CAND1: variants seen among roughly 807,000 people sequenced by gnomAD.
CAND1 encodes the protein cullin associated and neddylation dissociated 1.
Under a neutral mutation model 108.5 loss-of-function variants are expected in CAND1, and 7 were observed. The ratio of observed to expected loss-of-function variants is 0.06; its 90% CI spans 0.04 to 0.12. CAND1 has a LOEUF of 0.12. Among genes scored for constraint, CAND1 ranks in the 10% least tolerant of loss-of-function variants. The probability of loss-of-function intolerance (pLI) is 1.00; values close to 1 mark genes in which losing one functional copy is unlikely to be tolerated. For synonymous variants in CAND1, 534 were observed against 512.0 expected, an observed-to-expected ratio of 1.04 and a Z score of -0.58; for missense variants, 941 against 1,448.7, an observed-to-expected ratio of 0.65 and a Z score of 5.69.
chr12:67,301,803 T>C (rs1244718090), intron 7 of CAND1, among the ~76,000 whole-genome samples: 1 of 152,216 alleles, frequency 6.6e-6, no homozygotes, highest in Non-Finnish European at 1.5e-5. Context: ...GTCAACCTTC[T>C]TTTTATTCCC....
chr12:67,297,689 G>A, intron 5 of CAND1, 26 bp downstream of exon 5: 1 of 1,593,706 alleles, frequency 6.3e-7, no homozygotes, highest in Non-Finnish European at 8.5e-7. Flanking sequence ...AAGTTTTACA[G>A]TTTTCTTTAA....
At chr12:67,291,266 A>G (rs904382402) in intron 2 of CAND1, among the ~76,000 whole-genome samples, 1 of 152,214 alleles carries the variant, frequency 6.6e-6, no homozygotes, top group African/African-American at 2.4e-5. Flanking sequence ...AGCACAGGGT[A>G]GTGTAGTATT....
intron 2 of CAND1, among the ~76,000 whole-genome samples, chr12:67,284,420 T>A (rs566296014): frequency 1.3e-5 from 2 of 152,186 alleles, no homozygotes; most frequent in Non-Finnish European, 2.9e-5. Context: ...ACAGTTATTA[T>A]GTTAGTAGAT....
At chr12:67,285,237 T>C (rs2044659265) in intron 2 of CAND1, among the ~76,000 whole-genome samples, 1 of 152,168 alleles carries the variant, frequency 6.6e-6, no homozygotes, top group African/African-American at 2.4e-5. Context: ...TTGTTCCAAA[T>C]TTATGGGAGA....
At chr12:67,282,691 C>T (rs2044630924) in intron 2 of CAND1, among the ~76,000 whole-genome samples, 1 of 151,822 alleles carries the variant, frequency 6.6e-6, no homozygotes, top group African/African-American at 2.4e-5. Flanking sequence ...CATGCCCAGC[C>T]AAAAAACTAC....
chr12:67,289,833 T>A (rs2044706334), intron 2 of CAND1, among the ~76,000 whole-genome samples: 1 of 152,252 alleles, frequency 6.6e-6, no homozygotes, highest in Admixed American at 6.5e-5. Flanking sequence ...CAGTTTTTTT[T>A]ATTTTTATCT....
intron 3 of CAND1, among the ~76,000 whole-genome samples, chr12:67,294,532 A>G (rs1223566880): frequency 6.6e-6 from 1 of 152,246 alleles, no homozygotes; most frequent in Non-Finnish European, 1.5e-5. Context: ...TAGGTGTGCA[A>G]GCTCTACAGC....
rs768902771 is a variant in CAND1, at chr12:67,305,426, G to A, written c.1758G>A (p.Lys586=). The change falls in exon 10 of 15, where the codon AAG becomes AAA. Residue 586 remains lysine (K), a synonymous_variant. Transcript: ENST00000545606. This position sits in a 1 kb window ranked among gnomAD's most constrained non-coding sequence, Gnocchi z 4.4. ...CAGCTGACATTGATCAGGAAGTCAA[G>A]GAAAGGGCTATTTCCTGTATGGGAC... ...LKAADIDQEV[K]ERAISCMGQI... 2.5e-6 allele frequency: 4 copies of A among 1,613,818 alleles called. No homozygotes were observed. Among genetic ancestry groups the A allele is most frequent in the Admixed American group, 3.3e-5 (2 of 60,012 alleles).
chr12:67,302,501 T>A lies in CAND1; in HGVS notation c.1179T>A (p.Asp393Glu). The A allele has an allele frequency of 6.2e-7, 1 of 1,614,162 alleles. No homozygotes were observed. Among genetic ancestry groups the A allele is most frequent in the Non-Finnish European group, 8.5e-7 (1 of 1,179,982 alleles). Reference protein sequence around the residue: ...FKEREENVKADVFHAYLSLLK... With the variant: ...FKEREENVKAEVFHAYLSLLK... ...AGCGTGAAGAGAATGTAAAGGCAGA[T>A]GTTTTTCACGCATACCTTTCTCTTT... The change falls in exon 8 of 15, where the codon GAT (aspartate) becomes GAA (glutamate). Residue 393 changes from aspartate (D) to glutamate (E), a missense_variant. Physicochemically the swap from Asp to Glu is conservative, Grantham distance 45. This residue lies in a region of CAND1 where 697 missense variants were observed against 942.0 expected (regional missense o/e 0.74). Transcript: ENST00000545606.
At chr12:67,300,172 A>T in intron 7 of CAND1, among the ~76,000 whole-genome samples, 1 of 152,144 alleles carries the variant, frequency 6.6e-6, no homozygotes, top group East Asian at 1.9e-4. Context: ...ATACCATTCT[A>T]GCCTGGATGT....
chr12:67,292,596 T>A (rs764426495), intron 2 of CAND1, 26 bp from the exon 3 acceptor site: 62 of 1,558,052 alleles, frequency 4.0e-5, no homozygotes, highest in East Asian at 1.8e-4. Context: ...TAGCTTTTTT[T>A]AAACAATTTC....
At chr12:67,302,276 A>T in intron 7 of CAND1, 47 bp from the exon 8 acceptor site, 1 of 1,502,150 alleles carries the variant, frequency 6.7e-7, no homozygotes, top group Non-Finnish European at 9.1e-7. Context: ...TAAATGATAT[A>T]CTTCTCTTGT....
chr12:67,283,411 C>A (rs938311726), intron 2 of CAND1, among the ~76,000 whole-genome samples: 1 of 151,978 alleles, frequency 6.6e-6, no homozygotes, highest in Non-Finnish European at 1.5e-5. Context: ...TGTAGAAACC[C>A]TGTCTCTACT....
chr12:67,287,857 A>ATTTTTTTTTTTTTTTTTTTTTTTT (rs34177330), intron 2 of CAND1, among the ~76,000 whole-genome samples: 1 of 112,588 alleles, frequency 8.9e-6, no homozygotes, highest in African/African-American at 3.4e-5. Context: ...TTTTGATGTG[A>ATTTTTTTTTTTTTTTTTTTTTTTT]TTTTTTTTTT....
intron 10 of CAND1, 37 bp downstream of exon 10, chr12:67,306,634 A>C (rs751391839): frequency 4.7e-5 from 71 of 1,498,814 alleles, no homozygotes; most frequent in Non-Finnish European, 6.4e-5. Context: ...AAAGTTTTTT[A>C]TTGATAGTTG....
Position 67,302,442 on chromosome 12 carries a change from A to C in CAND1, c.1120A>C (p.Thr374Pro), listed in dbSNP as rs185148102. The C allele has an allele frequency of 2.5e-6, 4 of 1,613,956 alleles. No homozygotes were observed. The highest frequency in any genetic ancestry group is 3.4e-6 in the Non-Finnish European group (4 of 1,180,000). The change falls in exon 8 of 15, where the codon ACC becomes CCC. Residue 374 changes from threonine (T) to proline (P), a missense_variant. Coordinates refer to ENST00000545606, the MANE Select transcript of CAND1 (RefSeq NM_018448.5). ...TGAAATGCTTCCAGAATTCTACAAG[A>C]CCGTCTCTCCTGCACTAATATCCAG... ...RHEMLPEFYK[T>P]VSPALISRFK...
At position 67,292,678 on chromosome 12, in the gene CAND1, C is replaced by A. The variant is rs780420713; in HGVS notation, c.269C>A (p.Thr90Asn). ...KEYQVETIVD[T>N]LCTNMLSDKE... The stretch of plus-strand genomic sequence containing the variant: ...TACCAAGTAGAGACAATTGTAGATA[C>A]CCTCTGCACTAACATGCTTTCTGAT... The change falls in exon 3 of 15, where the codon ACC (threonine) becomes AAC (asparagine). Residue 90 changes from threonine (T) to asparagine (N), a missense_variant. By Grantham distance (65) the Thr-to-Asn change is moderately conservative (BLOSUM62 0). Transcript: ENST00000545606. 1.2e-6 allele frequency: 2 copies of A among 1,612,284 alleles called. No homozygotes were observed. The highest frequency in any genetic ancestry group is 1.3e-5 in the African/African-American group (1 of 74,832).
chr12:67,282,408 G>A (rs1359713792), intron 2 of CAND1, among the ~76,000 whole-genome samples: 1 of 152,032 alleles, frequency 6.6e-6, no homozygotes, highest in Non-Finnish European at 1.5e-5. Context: ...ATTTTAAAAT[G>A]AAATGACTAA....
chr12:67,304,670 T>G lies in CAND1; in HGVS notation c.1359T>G (p.Cys453Trp). Residue 453 changes from cysteine to tryptophan, a missense_variant, in exon 9 of 15, where the codon TGT (cysteine) becomes TGG (tryptophan). Transcript: ENST00000545606. ...MKEKSVKTRQ[C>W]CFNMLTELVN... ...AAAAAAGTGTGAAGACCCGACAGTG[T>G]TGTTTTAACATGTTAACTGAGCTGG... 1 of 1,613,978 alleles carries G rather than the reference T, an allele frequency of 6.2e-7. No individual in the cohort carries two copies. The highest frequency in any genetic ancestry group is 8.5e-7 in the Non-Finnish European group (1 of 1,179,940).
Sources: gnomAD v4.1 joint callset for allele counts (sites outside exome capture counted in the v4.1 genomes callset) on GRCh38, gnomAD v4.1.1 for gene constraint, gnomAD v4.1.1 regional missense constraint, Gnocchi (gnomAD v3.1) non-coding constraint, MANE v1.5 for transcripts, NCBI Gene and HGNC (gene_info 2026-07-23, HGNC 2026-07-21) for gene names.